Variants in MYLK observed in about 807,000 individuals in gnomAD.
The protein encoded by MYLK is myosin light chain kinase, smooth muscle.
MYLK carries 106 observed loss-of-function variants against 203.4 expected under a neutral mutation model. That is an observed-to-expected ratio of 0.52 (90% CI 0.45 to 0.61). The LOEUF is 0.61. Among genes scored for constraint, MYLK ranks in the 20% least tolerant of loss-of-function variants. The probability of loss-of-function intolerance (pLI) is 0.00; values close to 1 mark genes in which losing one functional copy is unlikely to be tolerated. For missense variants in MYLK, 2,072 were observed against 2,442.3 expected (o/e 0.85, Z 3.20); for synonymous variants, 867 against 959.5 (o/e 0.90, Z 1.78).
At chr3:123,748,888 G>A (rs760407545) in intron 5 of MYLK, among the ~76,000 whole-genome samples, 1 of 152,016 alleles carries the variant, frequency 6.6e-6, no homozygotes, top group South Asian at 2.1e-4. Flanking sequence ...GGCCAACATG[G>A]TGAGGCCCCA....
At chr3:123,795,377 A>G (rs1383066715) in intron 3 of MYLK, among the ~76,000 whole-genome samples, 1 of 152,220 alleles carries the variant, frequency 6.6e-6, no homozygotes, top group East Asian at 1.9e-4. Context: ...ACTGAAATCT[A>G]TGCCCGAATT....
chr3:123,734,070 G>A lies in MYLK; in HGVS notation c.926C>T (p.Ala309Val). ...SPQRGGSPPW[A>V]ANSQPQPPRE... The stretch of plus-strand genomic sequence containing the variant: ...TGGGGGCTGAGGCTGGCTGTTTGCA[G>A]CCCAGGGTGGGGAGCCACCTCTCTG... Residue 309 changes from alanine (A) to valine (V), a missense_variant, in exon 10 of 34, where the codon GCT becomes GTT. Physicochemically the swap from Ala to Val is moderately conservative, Grantham distance 64. Coordinates refer to ENST00000360304, the MANE Select transcript of MYLK (RefSeq NM_053025.4). The A allele has an allele frequency of 6.2e-7, 1 of 1,613,372 alleles. No individual in the cohort carries two copies. The highest frequency in any genetic ancestry group is 8.5e-7 in the Non-Finnish European group (1 of 1,179,556).
intron 6 of MYLK, 112 bp downstream of exon 6, chr3:123,739,841 C>T (rs931946880): frequency 6.2e-5 from 73 of 1,175,034 alleles, no homozygotes; most frequent in Non-Finnish European, 6.5e-5. Context: ...AGGCTCCCGC[C>T]CTTTGGTTAT....
chr3:123,869,999 C>T (rs2032649696), intron 2 of MYLK, among the ~76,000 whole-genome samples: 1 of 152,080 alleles, frequency 6.6e-6, no homozygotes, highest in African/African-American at 2.4e-5. Flanking sequence ...ATGAAGGTCA[C>T]TTAGGAGCCA....
At chr3:123,848,259 A>AC (rs1230590242) in intron 2 of MYLK, among the ~76,000 whole-genome samples, 1 of 150,242 alleles carries the variant, frequency 6.7e-6, no homozygotes, top group East Asian at 1.9e-4. Context: ...ATTTTGAAAA[A>AC]AAAAAAGCCT....
chr3:123,694,929 G>C (rs1306334820), intron 18 of MYLK, among the ~76,000 whole-genome samples: 1 of 151,770 alleles, frequency 6.6e-6, no homozygotes, highest in Non-Finnish European at 1.5e-5. Flanking sequence ...GTTTTTTTTT[G>C]AGAAGCCTCA....
In MYLK at chr3:123,677,918, T is replaced by TATATACACAC. The variant is rs1273803739; in HGVS notation, c.3652+4305_3652+4306insGTGTGTATAT. On this transcript the variant is annotated intron_variant, in intron 20 of 33. Coordinates refer to ENST00000360304, the MANE Select transcript of MYLK (RefSeq NM_053025.4). ...ATATATATATATATATATATATATATACACACACACACACACAGAGTACAT... is the reference window on the plus strand; with the variant it reads ...ATATATATATATATATATATATATATATATACACACACACACACACACACACAGAGTACAT... Among the ~76,000 whole-genome samples, 5 of 78,884 alleles carry TATATACACAC rather than the reference T, an allele frequency of 6.3e-5. No individual in the cohort carries two copies. The South Asian group carries it at 2.3e-3, about 36-fold the overall frequency. The allele number at this position is 78,884 out of a possible 152,430, so 51.8% of individuals were successfully genotyped here.
At chr3:123,793,564 A>G (rs1172357273) in intron 4 of MYLK, 113 bp downstream of exon 4, 33 of 1,259,038 alleles carry the variant, frequency 2.6e-5, no homozygotes, top group Non-Finnish European at 3.3e-5. Flanking sequence ...TGAAGGTCCA[A>G]AAGAAAATTG....
chr3:123,789,243 T>C (rs1283920501), intron 4 of MYLK, among the ~76,000 whole-genome samples: 1 of 152,068 alleles, frequency 6.6e-6, no homozygotes, highest in African/African-American at 2.4e-5. Flanking sequence ...TACATCCTGT[T>C]CTACTAGGCA....
At chr3:123,761,718 A>G (rs2063540682) in intron 4 of MYLK, among the ~76,000 whole-genome samples, 1 of 152,108 alleles carries the variant, frequency 6.6e-6, no homozygotes, top group Admixed American at 6.5e-5. Flanking sequence ...AAAAACCCAG[A>G]TCTTTATTAA....
intron 4 of MYLK, among the ~76,000 whole-genome samples, chr3:123,769,684 T>C (rs1376946758): frequency 6.6e-6 from 1 of 152,194 alleles, no homozygotes; most frequent in African/African-American, 2.4e-5. Flanking sequence ...TTCATCTGTG[T>C]GCACAGTCAC....
chr3:123,764,309 C>T (rs1422995113), intron 4 of MYLK, among the ~76,000 whole-genome samples: 1 of 152,152 alleles, frequency 6.6e-6, no homozygotes, highest in Non-Finnish European at 1.5e-5. Context: ...TGAGGAAATA[C>T]AAAGTTCCAG....
chr3:123,837,962 G>C (rs980310411), intron 2 of MYLK, among the ~76,000 whole-genome samples: 6 of 152,134 alleles, frequency 3.9e-5, no homozygotes, highest in Non-Finnish European at 8.8e-5. Flanking sequence ...CATATAATTG[G>C]AATCTCAGAA....
In MYLK at chr3:123,734,087, A is replaced by C; in HGVS notation, c.909T>G (p.Gly303=). ...TGTTTGCAGCCCAGGGTGGGGAGCC[A>C]CCTCTCTGGGGGCTGGAGCAGTTCT... The part of the protein sequence containing the change: ...KSKNCSSPQR[G]GSPPWAANSQ... The change falls in exon 10 of 34, where the codon GGT becomes GGG. Residue 303 remains glycine (G), a synonymous_variant. Coordinates refer to ENST00000360304, the MANE Select transcript of MYLK (RefSeq NM_053025.4). The C allele has an allele frequency of 6.2e-7, 1 of 1,611,796 alleles. No individual in the cohort carries two copies. Among genetic ancestry groups the C allele is most frequent in the South Asian group, 1.1e-5 (1 of 90,932 alleles).
intron 3 of MYLK, chr3:123,814,177 G>A (rs191259445): frequency 1.1e-4 from 35 of 312,528 alleles, no homozygotes; most frequent in African/African-American, 7.5e-4. Context: ...CTGTGTCTCG[G>A]GCTCAGGGAT....
chr3:123,772,993 C>G (rs2063936365), intron 4 of MYLK, among the ~76,000 whole-genome samples: 1 of 151,922 alleles, frequency 6.6e-6, no homozygotes, highest in Admixed American at 6.6e-5. Context: ...TATCCAAAGA[C>G]TTAAAAAGAT....
At chr3:123,877,505 A>G (rs1465755146) in intron 1 of MYLK, among the ~76,000 whole-genome samples, 1 of 152,228 alleles carries the variant, frequency 6.6e-6, no homozygotes, top group Admixed American at 6.5e-5. Context: ...CAGCAGGCCC[A>G]CAGGGGAGGA....
chr3:123,680,221 A>G (rs820361), intron 20 of MYLK, among the ~76,000 whole-genome samples: 135,461 of 152,148 alleles, frequency 0.89, 61,667 homozygotes, highest in Non-Finnish European at 0.99. Context: ...TCTGCTCATC[A>G]TCTCAAGCTT....
intron 3 of MYLK, among the ~76,000 whole-genome samples, chr3:123,794,078 G>A (rs921864607): frequency 2.0e-5 from 3 of 152,132 alleles, no homozygotes; most frequent in Admixed American, 6.5e-5. Context: ...TTCCCAGGGC[G>A]ATGCCCTGCC....
Sources: gnomAD v4.1 joint callset for allele counts (sites outside exome capture counted in the v4.1 genomes callset) on GRCh38, gnomAD v4.1.1 for gene constraint, MANE v1.5 for transcripts, NCBI Gene and HGNC (gene_info 2026-07-23, HGNC 2026-07-21) for gene names.